The following PCDHA12 variants were observed in gnomAD, a reference collection of about 807,000 sequenced individuals.
PCDHA12 encodes protocadherin alpha-12.
Under a neutral mutation model 60.0 loss-of-function variants are expected in PCDHA12, and 44 were observed. The observed-to-expected ratio is 0.73, with a 90% confidence interval of 0.58 to 0.94. The LOEUF (loss-of-function observed/expected upper bound fraction) is 0.94, where lower values mean the gene tolerates loss of function less well. PCDHA12 is among the 40% of genes least tolerant of loss of function. The pLI is 0.00. For missense variants in PCDHA12, 1,276 were observed against 1,239.7 expected, an observed-to-expected ratio of 1.03 and a Z score of -0.44; for synonymous variants, 569 against 553.0, an observed-to-expected ratio of 1.03 and a Z score of -0.40.
intron 1 of PCDHA12, among the ~76,000 whole-genome samples, chr5:140,940,440 G>T (rs1348385112): frequency 1.3e-5 from 2 of 151,928 alleles, no homozygotes; most frequent in Non-Finnish European, 2.9e-5. Flanking sequence ...AGTCTGCCAT[G>T]ATATTTTTTA....
chr5:140,887,183 A>G (rs1211270850), intron 1 of PCDHA12, among the ~76,000 whole-genome samples: 2 of 147,766 alleles, frequency 1.4e-5, no homozygotes, highest in African/African-American at 5.0e-5. Flanking sequence ...TGCAAGCTCC[A>G]CCTCCCGGGT....
intron 1 of PCDHA12, among the ~76,000 whole-genome samples, chr5:140,920,083 G>A (rs536573725): frequency 3.3e-5 from 5 of 152,260 alleles, no homozygotes; most frequent in East Asian, 1.9e-4. Flanking sequence ...CAGATTCTCC[G>A]TAGAGCCTCT....
Position 140,920,894 on chromosome 5 carries a change from T to G in PCDHA12, c.2367+43055T>G, listed in dbSNP as rs114918834. Among the ~76,000 whole-genome samples the G allele has an allele frequency of 2.6e-3, 390 of 151,496 alleles. 2 individuals carry two copies. The highest frequency in any genetic ancestry group is 9.2e-3 in the African/African-American group (379 of 41,284). Reference sequence around the variant, plus strand: ...GTGGCCCTTAGAACTTAAAGTCATATTTTGGTTCTCAAATCAGTTCCAAGA... The same window carrying G: ...GTGGCCCTTAGAACTTAAAGTCATAGTTTGGTTCTCAAATCAGTTCCAAGA... On this transcript the variant is annotated intron_variant, in intron 1 of 3. Coordinates refer to ENST00000398631, the MANE Select transcript of PCDHA12 (RefSeq NM_018903.4).
At chr5:140,977,104 A>C (rs2096746104) in intron 1 of PCDHA12, among the ~76,000 whole-genome samples, 1 of 152,242 alleles carries the variant, frequency 6.6e-6, no homozygotes, top group Admixed American at 6.5e-5. Flanking sequence ...TGGGGAAGTG[A>C]GATTGTATAA....
intron 1 of PCDHA12, chr5:140,882,210 CAGTTTG>C (rs1332497676): frequency 6.5e-7 from 1 of 1,533,604 alleles, no homozygotes; most frequent in African/African-American, 1.4e-5. Flanking sequence ...CCTTGAGAGA[CAGTTTG>C]AGGTAAGGCG....
chr5:140,930,985 A>G (rs2087229279), intron 1 of PCDHA12, among the ~76,000 whole-genome samples: 1 of 152,110 alleles, frequency 6.6e-6, no homozygotes, highest in Non-Finnish European at 1.5e-5. Context: ...TTTCTTCCTC[A>G]TGACCTACAC....
chr5:140,878,273 G>T (rs2057527007), intron 1 of PCDHA12, among the ~76,000 whole-genome samples: 1 of 152,096 alleles, frequency 6.6e-6, no homozygotes, highest in Non-Finnish European at 1.5e-5. Flanking sequence ...TTTTAAAATA[G>T]CCTTCTTGAT....
intron 1 of PCDHA12, chr5:140,928,453 T>G (rs528077853): frequency 1.9e-6 from 3 of 1,613,888 alleles, no homozygotes; most frequent in African/African-American, 2.7e-5. Flanking sequence ...GCTCAGGGGG[T>G]TTCATTTCCA....
At chr5:140,962,224 A>C (rs2095665980) in intron 1 of PCDHA12, among the ~76,000 whole-genome samples, 1 of 152,152 alleles carries the variant, frequency 6.6e-6, no homozygotes. Flanking sequence ...TTGAGGTTCA[A>C]GTTTCACTTA....
At chr5:140,979,836 T>C (rs1463731318) in intron 2 of PCDHA12, among the ~76,000 whole-genome samples, 2 of 152,216 alleles carry the variant, frequency 1.3e-5, no homozygotes, top group Non-Finnish European at 2.9e-5. Flanking sequence ...GAAGAAATAA[T>C]CTTCAAACTT....
chr5:140,995,102 C>A (rs976806158), intron 3 of PCDHA12, among the ~76,000 whole-genome samples: 3 of 152,312 alleles, frequency 2.0e-5, no homozygotes, highest in Middle Eastern at 6.8e-3. Context: ...GAGATACATT[C>A]CAAGACCCTC....
intron 1 of PCDHA12, among the ~76,000 whole-genome samples, chr5:140,958,548 A>C (rs185504563): frequency 6.6e-6 from 1 of 152,180 alleles, no homozygotes; most frequent in African/African-American, 2.4e-5. Context: ...TTATGAACCA[A>C]TAAATGTTTC....
chr5:140,910,142 A>T (rs535162246), intron 1 of PCDHA12, among the ~76,000 whole-genome samples: 1 of 152,326 alleles, frequency 6.6e-6, no homozygotes, highest in South Asian at 2.1e-4. Context: ...TTAAGTCTGG[A>T]AATTGATTGA....
At chr5:140,922,927 T>C (rs1257564815) in intron 1 of PCDHA12, among the ~76,000 whole-genome samples, 1 of 152,214 alleles carries the variant, frequency 6.6e-6, no homozygotes, top group Non-Finnish European at 1.5e-5. Flanking sequence ...TTCAGACTTT[T>C]ACTTCCAGCA....
chr5:140,975,903 C>A (rs1189531342), intron 1 of PCDHA12, among the ~76,000 whole-genome samples: 1 of 152,090 alleles, frequency 6.6e-6, no homozygotes, highest in Admixed American at 6.6e-5. Context: ...AGTTTTGTGA[C>A]CATTATTCTA....
chr5:140,969,339 A>AGTG (rs782647003), intron 1 of PCDHA12: 3 of 1,613,948 alleles, frequency 1.9e-6, no homozygotes, highest in African/African-American at 2.7e-5. Flanking sequence ...GAGGTGAGAC[A>AGTG]GTGGTCAGGG....
intron 3 of PCDHA12, among the ~76,000 whole-genome samples, chr5:140,993,470 ACAC>A: frequency 8.7e-6 from 1 of 115,268 alleles, no homozygotes; most frequent in South Asian, 2.9e-4. Context: ...TCTCACACAC[ACAC>A]ACACACACAC....
chr5:141,009,955 A>G lies in PCDHA12; in HGVS notation c.*18A>G, dbSNP rs782282264. 6.3e-7 allele frequency: 1 copy of G among 1,592,418 alleles called. No individual in the cohort carries two copies. Among genetic ancestry groups the G allele is most frequent in the African/African-American group, 1.4e-5 (1 of 73,350 alleles). ...ACCAGTGAGGTCCTCAAATGGAAAC[A>G]AGCCACTTAGCCAGTTTTTGTAATA... On this transcript the variant is annotated 3_prime_UTR_variant, in exon 4 of 4. Transcript: ENST00000398631.
At chr5:140,898,818 A>G (rs2066994592) in intron 1 of PCDHA12, among the ~76,000 whole-genome samples, 1 of 152,216 alleles carries the variant, frequency 6.6e-6, no homozygotes, top group Admixed American at 6.5e-5. Flanking sequence ...CTTCCTACCC[A>G]TGAGCATGGA....
Sources: gnomAD v4.1 joint callset for allele counts (sites outside exome capture counted in the v4.1 genomes callset) on GRCh38, gnomAD v4.1.1 for gene constraint, MANE v1.5 for transcripts, NCBI Gene and HGNC (gene_info 2026-07-23, HGNC 2026-07-21) for gene names.